MCC: variants seen among roughly 807,000 people sequenced by gnomAD.
The protein encoded by MCC is colorectal mutant cancer protein.
Under a neutral mutation model 116.2 loss-of-function variants are expected in MCC, and 90 were observed. The ratio of observed to expected loss-of-function variants is 0.77; its 90% CI spans 0.65 to 0.92. The LOEUF is 0.92. Among genes scored for constraint, MCC ranks in the 40% least tolerant of loss-of-function variants. MCC has a pLI of 0.00. For synonymous variants in MCC, 578 were observed against 510.5 expected, an observed-to-expected ratio of 1.13 and a Z score of -1.78; for missense variants, 1,516 against 1,312.2, an observed-to-expected ratio of 1.16 and a Z score of -2.40.
chr5:113,033,829 C>T (rs944243972), intron 17 of MCC, among the ~76,000 whole-genome samples: 3 of 152,194 alleles, frequency 2.0e-5, no homozygotes, highest in Non-Finnish European at 4.4e-5. Context: ...CTTCCCACTT[C>T]AGCTTTTGGG....
chr5:113,317,886 G>T (rs1351278978), intron 3 of MCC, among the ~76,000 whole-genome samples: 1 of 152,142 alleles, frequency 6.6e-6, no homozygotes, highest in Non-Finnish European at 1.5e-5. Context: ...GGAAAAATGT[G>T]ATCAGGATAT....
intron 3 of MCC, among the ~76,000 whole-genome samples, chr5:113,291,313 C>T (rs937370710): frequency 2.6e-5 from 4 of 152,210 alleles, no homozygotes; most frequent in African/African-American, 9.6e-5. Context: ...GCCAACACCT[C>T]AGTGGTTGAC....
intron 1 of MCC, among the ~76,000 whole-genome samples, chr5:113,398,742 G>C (rs1336107114): frequency 1.3e-5 from 2 of 152,170 alleles, no homozygotes; most frequent in African/African-American, 4.8e-5. Context: ...TCACTATCTG[G>C]GTCATGGGTT....
At position 113,108,243 on chromosome 5, in the gene MCC, G is replaced by C. The variant is rs1032203565; in HGVS notation, c.1028-3888C>G. 4.1e-5 allele frequency among the ~76,000 whole-genome samples: 6 copies of C among 147,842 alleles called. 1 individual carries two copies. In the South Asian group the frequency reaches 1.1e-3, roughly 27 times the overall value. On this transcript the variant is annotated intron_variant, in intron 6 of 18. Coordinates refer to ENST00000408903, the MANE Select transcript of MCC (RefSeq NM_001085377.2). ...ACCTGTAATGGAGGCTGAGGCAGGA[G>C]AATCACTTGAACCCAGGAGGTGGAG... is the stretch of plus-strand genomic sequence containing the variant.
intron 1 of MCC, among the ~76,000 whole-genome samples, chr5:113,457,287 G>A (rs926026701): frequency 3.3e-5 from 5 of 152,248 alleles, no homozygotes; most frequent in Non-Finnish European, 5.9e-5. Context: ...CTTAGCACCC[G>A]GGCCAGCGGC....
At chr5:113,043,479 A>T (rs767890647) in intron 17 of MCC, 51 bp downstream of exon 17, 1 of 1,489,312 alleles carries the variant, frequency 6.7e-7, no homozygotes, top group Non-Finnish European at 9.3e-7. Flanking sequence ...CTCAGAACAA[A>T]GTCTCCATGC....
chr5:113,068,638 T>C (rs900935915), intron 12 of MCC, among the ~76,000 whole-genome samples: 9 of 152,244 alleles, frequency 5.9e-5, no homozygotes, highest in African/African-American at 2.2e-4. Context: ...GACTTCCATC[T>C]TGGTCACTCT....
intron 3 of MCC, among the ~76,000 whole-genome samples, chr5:113,258,133 C>CA (rs1187566318): frequency 2.6e-5 from 4 of 152,138 alleles, no homozygotes; most frequent in African/African-American, 9.7e-5. Flanking sequence ...GAGCACATTG[C>CA]AAGGGGTCCT....
At chr5:113,453,568 T>G (rs940668449) in intron 1 of MCC, among the ~76,000 whole-genome samples, 1 of 152,144 alleles carries the variant, frequency 6.6e-6, no homozygotes, top group African/African-American at 2.4e-5. Context: ...TGAACCACCA[T>G]GAAAGGTATT....
At chr5:113,157,655 C>T (rs1760247101) in intron 3 of MCC, among the ~76,000 whole-genome samples, 1 of 152,186 alleles carries the variant, frequency 6.6e-6, no homozygotes, top group Admixed American at 6.5e-5. Context: ...GCTAGTTTAA[C>T]ACTCACTGCC....
intron 3 of MCC, among the ~76,000 whole-genome samples, chr5:113,259,631 G>A (rs900406329): frequency 3.3e-5 from 5 of 152,066 alleles, no homozygotes; most frequent in African/African-American, 4.8e-5. Context: ...AGCAGAGTGC[G>A]GCCAGGAGAA....
intron 5 of MCC, among the ~76,000 whole-genome samples, chr5:113,138,885 C>T (rs1336373098): frequency 6.6e-6 from 1 of 152,112 alleles, no homozygotes; most frequent in Non-Finnish European, 1.5e-5. Flanking sequence ...ATACATCTTC[C>T]CCTTCATCCA....
At chr5:113,230,738 C>T (rs1763909586) in intron 3 of MCC, among the ~76,000 whole-genome samples, 1 of 152,178 alleles carries the variant, frequency 6.6e-6, no homozygotes, top group Non-Finnish European at 1.5e-5. Flanking sequence ...AGGAAAGAAT[C>T]CCAGTGTCCA....
At chr5:113,359,696 A>C (rs1459975756) in intron 2 of MCC, among the ~76,000 whole-genome samples, 1 of 152,276 alleles carries the variant, frequency 6.6e-6, no homozygotes, top group Non-Finnish European at 1.5e-5. Flanking sequence ...GAAGGAGATA[A>C]GCAAGAAGGT....
At chr5:113,194,979 T>C (rs900893258) in intron 3 of MCC, among the ~76,000 whole-genome samples, 5 of 152,156 alleles carry the variant, frequency 3.3e-5, no homozygotes, top group African/African-American at 7.2e-5. Context: ...GGTTCCACTG[T>C]TGGGAGCAGT....
intron 2 of MCC, among the ~76,000 whole-genome samples, chr5:113,343,823 A>C (rs989853108): frequency 3.3e-5 from 5 of 152,230 alleles, no homozygotes; most frequent in Non-Finnish European, 5.9e-5. Context: ...TGCAAACATG[A>C]AGCCTCATTC....
rs556668370 is a variant in MCC, at chr5:113,237,728, G to A, written c.628-86306C>T. On this transcript the variant is annotated intron_variant, in intron 3 of 18. Transcript: ENST00000408903. ...TTCCTCATTGATTAGTCTCAGCTCC[G>A]CGATAATTTCTGACTGATTCAGAAA... is the stretch of plus-strand genomic sequence containing the variant. Among the ~76,000 whole-genome samples, 34 of 152,276 alleles carry A rather than the reference G, an allele frequency of 2.2e-4. No individual in the cohort carries two copies. The Middle Eastern group carries it at 0.01, about 46-fold the overall frequency.
At chr5:113,122,364 T>C (rs1475191447) in intron 6 of MCC, among the ~76,000 whole-genome samples, 1 of 152,158 alleles carries the variant, frequency 6.6e-6, no homozygotes, top group Non-Finnish European at 1.5e-5. Flanking sequence ...CCCCATCCCA[T>C]CCCTTCCCTT....
intron 3 of MCC, among the ~76,000 whole-genome samples, chr5:113,191,889 G>C (rs1762167756): frequency 1.3e-5 from 2 of 152,132 alleles, no homozygotes; most frequent in Admixed American, 1.3e-4. Flanking sequence ...GACTTTAACT[G>C]ATTCAACAGA....
Sources: gnomAD v4.1 joint callset for allele counts (sites outside exome capture counted in the v4.1 genomes callset) on GRCh38, gnomAD v4.1.1 for gene constraint, MANE v1.5 for transcripts, NCBI Gene and HGNC (gene_info 2026-07-23, HGNC 2026-07-21) for gene names.